Variants in ANKRD36C observed in about 807,000 individuals in gnomAD.
The protein encoded by ANKRD36C is ankyrin repeat domain-containing protein 36C.
A neutral mutation model predicts 276.4 loss-of-function variants in ANKRD36C; 61 were observed. That is an observed-to-expected ratio of 0.22 (90% CI 0.18 to 0.27). ANKRD36C has a LOEUF of 0.27. Ranked by LOEUF, ANKRD36C falls within the 10% of genes least tolerant of loss-of-function variation. ANKRD36C has a pLI of 1.00. For synonymous variants in ANKRD36C, 483 were observed against 680.1 expected (o/e 0.71, Z 4.51); for missense variants, 1,447 against 2,032.3 (o/e 0.71, Z 5.54).
intron 44 of ANKRD36C, among the ~76,000 whole-genome samples, chr2:95,892,385 T>A (rs1676395073): frequency 6.6e-6 from 1 of 151,534 alleles, no homozygotes. Flanking sequence ...GCTAAATTGA[T>A]CACTTTGGAT....
intron 42 of ANKRD36C, among the ~76,000 whole-genome samples, chr2:95,911,407 G>A (rs935080891): frequency 2.2e-4 from 33 of 151,328 alleles, no homozygotes; most frequent in Non-Finnish European, 4.3e-4. Flanking sequence ...CATAATTTTT[G>A]TTTCTAAAAT....
intron 28 of ANKRD36C, among the ~76,000 whole-genome samples, chr2:95,925,823 T>A (rs1338567559): frequency 6.6e-6 from 1 of 151,610 alleles, no homozygotes; most frequent in Non-Finnish European, 1.5e-5. Context: ...AATGTGGATA[T>A]GCCGAATGAT....
chr2:95,890,850 G>A (rs11164053), intron 46 of ANKRD36C, among the ~76,000 whole-genome samples: 42,059 of 151,260 alleles, frequency 0.28, 6,749 homozygotes, highest in East Asian at 0.48. Context: ...GACTTTTTGG[G>A]AGGACCATGT....
intron 56 of ANKRD36C, among the ~76,000 whole-genome samples, chr2:95,880,982 G>A (rs544934442): frequency 1.2e-3 from 176 of 152,272 alleles, no homozygotes; most frequent in African/African-American, 3.8e-3. Flanking sequence ...TGCTAACTGC[G>A]ACTGCATGAC....
intron 30 of ANKRD36C, among the ~76,000 whole-genome samples, 163 bp from the exon 31 acceptor site, chr2:95,923,852 A>G (rs553464658): frequency 6.6e-6 from 1 of 151,816 alleles, no homozygotes; most frequent in South Asian, 2.1e-4. Flanking sequence ...CACTGAAAAA[A>G]AAGAAATACA....
intron 6 of ANKRD36C, among the ~76,000 whole-genome samples, chr2:95,970,050 A>G (rs1678668543): frequency 6.6e-6 from 1 of 152,180 alleles, no homozygotes; most frequent in African/African-American, 2.4e-5. Flanking sequence ...TTGAAACACA[A>G]CAGTTTCTCC....
At chr2:95,864,019 A>G (rs1675636606) in intron 60 of ANKRD36C, among the ~76,000 whole-genome samples, 2 of 152,014 alleles carry the variant, frequency 1.3e-5, no homozygotes, top group Admixed American at 1.3e-4. Flanking sequence ...CATAGCAACT[A>G]CCACTATGGT....
At chr2:95,858,298 T>C (rs1334261431) in intron 61 of ANKRD36C, among the ~76,000 whole-genome samples, 15 of 152,184 alleles carry the variant, frequency 9.9e-5, no homozygotes, top group African/African-American at 3.4e-4. Flanking sequence ...AATAAAACAT[T>C]CGTATGTTGG....
intron 63 of ANKRD36C, 120 bp downstream of exon 83, chr2:95,855,146 A>G: frequency 1.5e-5 from 20 of 1,350,690 alleles, no homozygotes; most frequent in Non-Finnish European, 2.0e-5. Flanking sequence ...CTAAGCAGAT[A>G]TATTTATCAT....
At chr2:95,873,150 C>T (rs572541688) in intron 59 of ANKRD36C, among the ~76,000 whole-genome samples, 76 of 152,272 alleles carry the variant, frequency 5.0e-4, no homozygotes, top group African/African-American at 1.7e-3. Context: ...AGAGGGAACC[C>T]TCCCTAACTC....
chr2:95,914,547 A>C (rs1233238081), intron 38 of ANKRD36C, among the ~76,000 whole-genome samples: 1 of 151,404 alleles, frequency 6.6e-6, no homozygotes, highest in Non-Finnish European at 1.5e-5. Context: ...TCGAAAACTA[A>C]AATAAAACCG....
intron 6 of ANKRD36C, among the ~76,000 whole-genome samples, chr2:95,974,926 A>G (rs1051535564): frequency 2.0e-5 from 3 of 151,392 alleles, no homozygotes; most frequent in African/African-American, 7.3e-5. Flanking sequence ...TCCTTGCCAT[A>G]GTTTGCTTAG....
intron 6 of ANKRD36C, among the ~76,000 whole-genome samples, chr2:95,968,423 T>A (rs940275236): frequency 6.6e-6 from 1 of 152,152 alleles, no homozygotes; most frequent in African/African-American, 2.4e-5. Flanking sequence ...GAAAATGGCA[T>A]CATTAGTAGA....
chr2:95,918,112 T>A (rs1339142835), intron 34 of ANKRD36C, 70 bp from the exon 37 acceptor site: 2 of 1,564,776 alleles, frequency 1.3e-6, no homozygotes, highest in African/African-American at 1.3e-5. Context: ...ATTCACACAG[T>A]GTTAGCATCA....
chr2:95,860,520 T>C (rs1165181771), intron 60 of ANKRD36C, among the ~76,000 whole-genome samples: 2 of 152,190 alleles, frequency 1.3e-5, no homozygotes, highest in African/African-American at 2.4e-5. Flanking sequence ...AATCTGTTAC[T>C]AGCTCTGATG....
chr2:95,982,425 C>T (rs1363548193), intron 3 of ANKRD36C, 63 bp from the exon 4 acceptor site: 1 of 1,367,350 alleles, frequency 7.3e-7, no homozygotes, highest in Non-Finnish European at 1.0e-6. Flanking sequence ...GAAATGAAAA[C>T]CTTATGTAAG....
At chr2:95,908,468 C>A (rs1676810516) in intron 42 of ANKRD36C, 34 bp downstream of exon 48, 1 of 1,477,542 alleles carries the variant, frequency 6.8e-7, no homozygotes, top group African/African-American at 1.4e-5. Flanking sequence ...TCTATCTGGA[C>A]TGAACATGAC....
intron 5 of ANKRD36C, among the ~76,000 whole-genome samples, chr2:95,979,647 T>C (rs1678877682): frequency 6.6e-6 from 1 of 152,016 alleles, no homozygotes; most frequent in African/African-American, 2.4e-5. Context: ...TTTTACACTG[T>C]TTATATAAAA....
intron 6 of ANKRD36C, among the ~76,000 whole-genome samples, chr2:95,975,413 C>G (rs1459302631): frequency 6.6e-6 from 1 of 152,194 alleles, no homozygotes; most frequent in Non-Finnish European, 1.5e-5. Context: ...CAGCATGGTA[C>G]TGGTACCAAA....
Sources: gnomAD v4.1 joint callset for allele counts (sites outside exome capture counted in the v4.1 genomes callset) on GRCh38, gnomAD v4.1.1 for gene constraint, MANE v1.5 for transcripts, NCBI Gene and HGNC (gene_info 2026-07-23, HGNC 2026-07-21) for gene names.